The following NEBL variants were observed in gnomAD, a reference collection of about 807,000 sequenced individuals.
The protein encoded by NEBL is nebulette.
Under a neutral mutation model 140.2 loss-of-function variants are expected in NEBL, and 122 were observed. That is an observed-to-expected ratio of 0.87 (90% confidence interval 0.75 to 1.01). The LOEUF (loss-of-function observed/expected upper bound fraction) is 1.01. Ranked by LOEUF, NEBL falls within the 50% of genes least tolerant of loss-of-function variation. The probability of loss-of-function intolerance (pLI) is 0.00; values close to 1 mark genes in which losing one functional copy is unlikely to be tolerated. For synonymous variants in NEBL, 436 were observed against 398.9 expected (o/e 1.09, Z -1.11); for missense variants, 1,365 against 1,231.3 (o/e 1.11, Z -1.62).
chr10:21,125,704 C>T, intron 2 of NEBL: 2 of 708,040 alleles, frequency 2.8e-6, no homozygotes, highest in African/African-American at 1.8e-5. Flanking sequence ...CCTCCCTGCA[C>T]CCTACAGAGC....
intron 1 of NEBL, among the ~76,000 whole-genome samples, chr10:21,261,134 T>C (rs561312405): frequency 2.0e-5 from 3 of 152,310 alleles, no homozygotes; most frequent in African/African-American, 7.2e-5. Context: ...GGTTTACACC[T>C]ATTAGACTAA....
chr10:20,821,122 G>A (rs889170822), intron 19 of NEBL, among the ~76,000 whole-genome samples: 3 of 152,050 alleles, frequency 2.0e-5, no homozygotes, highest in Middle Eastern at 3.2e-3. Context: ...AGCTCAAAGG[G>A]GTTACATCTG....
At chr10:20,804,914 A>G (rs193135626) in intron 26 of NEBL, among the ~76,000 whole-genome samples, 44 of 152,296 alleles carry the variant, frequency 2.9e-4, no homozygotes, top group African/African-American at 8.9e-4. Context: ...AACAGATCAG[A>G]GCAGGAGGTG....
intron 3 of NEBL, among the ~76,000 whole-genome samples, chr10:21,001,091 G>C (rs1837875497): frequency 6.6e-6 from 1 of 152,178 alleles, no homozygotes; most frequent in African/African-American, 2.4e-5. Flanking sequence ...CTTCTCCACA[G>C]AAAGCAGCAG....
At chr10:20,918,938 C>T (rs530868977) in intron 4 of NEBL, among the ~76,000 whole-genome samples, 11 of 151,952 alleles carry the variant, frequency 7.2e-5, no homozygotes, top group South Asian at 6.2e-4. Context: ...CATAATAAAG[C>T]GAAACATTAT....
intron 3 of NEBL, among the ~76,000 whole-genome samples, chr10:20,888,698 G>A (rs1303178643): frequency 2.0e-5 from 3 of 152,096 alleles, no homozygotes; most frequent in Non-Finnish European, 4.4e-5. Flanking sequence ...CTGTCTTTAA[G>A]CCATCTCAGT....
At chr10:20,902,616 G>A (rs937155433) in intron 4 of NEBL, among the ~76,000 whole-genome samples, 9 of 152,046 alleles carry the variant, frequency 5.9e-5, no homozygotes, top group Admixed American at 5.9e-4. Flanking sequence ...CTTATAGAGG[G>A]GGCAGGAAAG....
chr10:21,275,968 CTTT>C (rs35122753), intron 1 of NEBL, among the ~76,000 whole-genome samples: 3 of 124,320 alleles, frequency 2.4e-5, no homozygotes, highest in Admixed American at 8.2e-5. Context: ...CCAGCCCTTT[CTTT>C]TTTTTTTTTT....
intron 2 of NEBL, chr10:21,126,186 A>C: frequency 6.7e-7 from 1 of 1,501,964 alleles, no homozygotes; most frequent in South Asian, 1.2e-5. Flanking sequence ...AAGGAAAAAA[A>C]ATACCACATT....
chr10:20,798,078 T>C (rs553231445), intron 26 of NEBL, among the ~76,000 whole-genome samples: 1 of 145,980 alleles, frequency 6.9e-6, no homozygotes, highest in African/African-American at 2.5e-5. Context: ...CTCCAGCCCC[T>C]AGATGACAGA....
chr10:21,168,094 T>G (rs1182676647), intron 2 of NEBL, among the ~76,000 whole-genome samples: 1 of 152,236 alleles, frequency 6.6e-6, no homozygotes, highest in Admixed American at 6.5e-5. Flanking sequence ...ATGTAAATTA[T>G]ATTTTATACA....
chr10:20,889,844 C>T lies in NEBL; in HGVS notation c.258+1G>A, dbSNP rs139581346. On this transcript the variant is annotated splice_donor_variant, in intron 3 of 27. Coordinates refer to ENST00000377122, the MANE Select transcript of NEBL (RefSeq NM_006393.3). LOFTEE classifies it high-confidence loss of function. ...CAGTTTGCAAGCTTTTGATACCTTA[C>T]CTCAGAAATAAAAGCACCGATATTT... 2.5e-5 allele frequency: 39 copies of T among 1,589,326 alleles called. No individual in the cohort carries two copies. In the African/African-American group the frequency reaches 5.2e-4, roughly 21 times the overall value.
chr10:20,844,191 G>C (rs1057390496), intron 12 of NEBL, among the ~76,000 whole-genome samples: 1 of 152,034 alleles, frequency 6.6e-6, no homozygotes, highest in Non-Finnish European at 1.5e-5. Flanking sequence ...TGACCAGTTA[G>C]CATTTGCTTA....
chr10:20,875,164 A>G lies in NEBL; in HGVS notation c.481-5323T>C, dbSNP rs189682119. ...ACTTTCACCCTGAGCTCATATTTTTATCTTATTTTATTGTCTTTTAATCTC... is the reference window on the plus strand; with the variant it reads ...ACTTTCACCCTGAGCTCATATTTTTGTCTTATTTTATTGTCTTTTAATCTC... On this transcript the variant is annotated intron_variant, in intron 5 of 27. Transcript: ENST00000377122. 1.8e-3 allele frequency among the ~76,000 whole-genome samples: 270 copies of G among 152,234 alleles called. 1 individual carries two copies. The highest frequency in any genetic ancestry group is 4.8e-3 in the South Asian group (23 of 4,826).
At chr10:21,169,971 GCCCA>G (rs1432964317) in intron 2 of NEBL, among the ~76,000 whole-genome samples, 1 of 151,878 alleles carries the variant, frequency 6.6e-6, no homozygotes, top group African/African-American at 2.4e-5. Context: ...TCCTTTTGGG[GCCCA>G]CATCTCAACG....
At chr10:20,866,242 A>G (rs1218835868) in intron 7 of NEBL, among the ~76,000 whole-genome samples, 1 of 152,076 alleles carries the variant, frequency 6.6e-6, no homozygotes, top group African/African-American at 2.4e-5. Context: ...TTATTATTTA[A>G]CGGGTATAGA....
chr10:21,151,055 G>C (rs981120755), intron 2 of NEBL, among the ~76,000 whole-genome samples: 7 of 152,170 alleles, frequency 4.6e-5, no homozygotes, highest in Admixed American at 2.6e-4. Context: ...AGGCAGAGAC[G>C]GGAAGGATGA....
intron 1 of NEBL, among the ~76,000 whole-genome samples, chr10:21,255,780 G>A (rs916793422): frequency 1.3e-5 from 2 of 152,008 alleles, no homozygotes; most frequent in Non-Finnish European, 2.9e-5. Context: ...GGCAGATCAC[G>A]AGGTCAGGAG....
intron 5 of NEBL, 73 bp from the exon 6 acceptor site, chr10:20,869,914 T>C (rs1240969188): frequency 4.0e-6 from 4 of 989,904 alleles, no homozygotes; most frequent in Middle Eastern, 2.0e-4. Flanking sequence ...TTAGTGTTCA[T>C]AACATTATTT....
Sources: allele counts gnomAD v4.1 joint callset (sites outside exome capture counted in the v4.1 genomes callset), GRCh38; gene constraint gnomAD v4.1.1; transcripts MANE v1.5; gene names NCBI Gene and HGNC (gene_info 2026-07-23, HGNC 2026-07-21).